The following CXCL13 variants were observed in gnomAD, a reference collection of about 807,000 sequenced individuals.
CXCL13 encodes C-X-C motif chemokine 13.
In CXCL13, 7 loss-of-function variants were observed where a neutral mutation model predicts 12.2. That is an observed-to-expected ratio of 0.57 (90% CI 0.33 to 1.07). CXCL13 has a LOEUF of 1.07. Among genes scored for constraint, CXCL13 ranks in the 50% least tolerant of loss-of-function variants. The pLI, the probability that CXCL13 is intolerant of heterozygous loss-of-function variation, is 0.04. For synonymous variants in CXCL13, 47 were observed against 42.4 expected, an observed-to-expected ratio of 1.11 and a Z score of -0.42; for missense variants, 113 against 127.4, an observed-to-expected ratio of 0.89 and a Z score of 0.55.
At chr4:77,564,917 G>A (rs551358341) in intron 1 of CXCL13, among the ~76,000 whole-genome samples, 13 of 152,276 alleles carry the variant, frequency 8.5e-5, no homozygotes, top group Middle Eastern at 3.4e-3. Context: ...TTAGGGTGGG[G>A]GCAACCAAAC....
At chr4:77,543,975 C>T (rs1725286149) in intron 1 of CXCL13, among the ~76,000 whole-genome samples, 1 of 152,118 alleles carries the variant, frequency 6.6e-6, no homozygotes, top group South Asian at 2.1e-4. Flanking sequence ...TTAATTCCCA[C>T]CTATGAGTGA....
chr4:77,573,805 G>A (rs976554957), intron 1 of CXCL13, among the ~76,000 whole-genome samples: 3 of 151,778 alleles, frequency 2.0e-5, no homozygotes, highest in Admixed American at 2.0e-4. Flanking sequence ...ATACCTGTGG[G>A]ACTTTTACAA....
intron 1 of CXCL13, among the ~76,000 whole-genome samples, chr4:77,565,332 T>A (rs1422173532): frequency 6.6e-6 from 1 of 152,050 alleles, no homozygotes; most frequent in Non-Finnish European, 1.5e-5. Context: ...CATTCCTCCC[T>A]CTCCTCCCCC....
At chr4:77,606,645 A>G (rs918947512) in intron 1 of CXCL13, among the ~76,000 whole-genome samples, 21 of 152,294 alleles carry the variant, frequency 1.4e-4, no homozygotes, top group African/African-American at 4.8e-4. Flanking sequence ...AATTTCTTGC[A>G]TTCTCCACGG....
At chr4:77,551,647 A>C (rs905951165) in intron 1 of CXCL13, among the ~76,000 whole-genome samples, 2 of 152,214 alleles carry the variant, frequency 1.3e-5, no homozygotes, top group African/African-American at 4.8e-5. Flanking sequence ...CTCTCTAGCA[A>C]GATAAGGGAA....
chr4:77,610,801 A>G, intron 3 of CXCL13, 107 bp downstream of exon 3: 2 of 978,494 alleles, frequency 2.0e-6, no homozygotes, highest in Non-Finnish European at 3.3e-6. Flanking sequence ...GAAGTTCCTA[A>G]GACAAATGTG....
At chr4:77,550,445 C>T (rs374968125) in intron 1 of CXCL13, among the ~76,000 whole-genome samples, 127 of 151,870 alleles carry the variant, frequency 8.4e-4, no homozygotes, top group African/African-American at 2.9e-3. Flanking sequence ...GAGCTGTAGA[C>T]GGGAGCTGTA....
At chr4:77,601,005 C>T (rs1011295143), upstream of CXCL13, among the ~76,000 whole-genome samples, 3 of 152,146 alleles carry the variant, frequency 2.0e-5, no homozygotes, top group Non-Finnish European at 4.4e-5. Context: ...CAGGCAGGGT[C>T]TTCTTTACCT....
intron 1 of CXCL13, among the ~76,000 whole-genome samples, chr4:77,586,333 A>G (rs1726458093): frequency 6.6e-6 from 1 of 151,996 alleles, no homozygotes; most frequent in South Asian, 2.1e-4. Flanking sequence ...GTAACAAGAT[A>G]ATTGAATTTG....
chr4:77,545,532 G>T (rs183605662), intron 1 of CXCL13, among the ~76,000 whole-genome samples: 12 of 152,258 alleles, frequency 7.9e-5, no homozygotes, highest in Admixed American at 4.6e-4. Context: ...GTTCACTCAC[G>T]ATTTGGCTCT....
chr4:77,601,703 C>T (rs558503030), upstream of CXCL13, among the ~76,000 whole-genome samples: 155 of 152,202 alleles, frequency 1.0e-3, 1 homozygote, highest in Non-Finnish European at 3.5e-4. Context: ...TGTGTTTTCA[C>T]AAAGGTTAAA....
intron 1 of CXCL13, among the ~76,000 whole-genome samples, chr4:77,513,263 G>A (rs965662083): frequency 2.0e-5 from 3 of 152,146 alleles, no homozygotes; most frequent in African/African-American, 4.8e-5. Context: ...TGTCTTTATA[G>A]TAGCCTGATT....
intron 1 of CXCL13, among the ~76,000 whole-genome samples, chr4:77,529,135 T>C (rs1164769558): frequency 1.3e-5 from 2 of 152,228 alleles, no homozygotes; most frequent in Non-Finnish European, 2.9e-5. Context: ...TCCATTGGTC[T>C]ATATCTCTGT....
At chr4:77,547,461 G>T (rs537410011) in intron 1 of CXCL13, among the ~76,000 whole-genome samples, 5 of 152,280 alleles carry the variant, frequency 3.3e-5, no homozygotes, top group Non-Finnish European at 7.4e-5. Context: ...TCTTCTTGTT[G>T]AATTGGTCCC....
At chr4:77,527,684 A>G (rs1724801759) in intron 1 of CXCL13, among the ~76,000 whole-genome samples, 1 of 152,092 alleles carries the variant, frequency 6.6e-6, no homozygotes, top group Admixed American at 6.6e-5. Context: ...TGAATGAATG[A>G]CATTCAAGTG....
chr4:77,599,071 A>G (rs1726832597), intron 1 of CXCL13, among the ~76,000 whole-genome samples: 1 of 152,024 alleles, frequency 6.6e-6, no homozygotes, highest in East Asian at 1.9e-4. Context: ...AGCCTCCCAA[A>G]ATGCAGAGAT....
In CXCL13 at chr4:77,607,568, A is replaced by G. The variant is rs887580502; in HGVS notation, c.65-135A>G. 1.1e-5 allele frequency: 8 copies of G among 716,868 alleles called. No homozygotes were observed. The African/African-American group carries it at 1.4e-4, about 13-fold the overall frequency. 44.4% of individuals were successfully genotyped at this position (716,868 alleles called of 1,614,324 possible). ...CAAGACAAGCAGAAATATACAAACT[A>G]AAGACATATGGGTGGAAGCACTGAC... On this transcript the variant is annotated intron_variant, in intron 1 of 3. Coordinates refer to ENST00000682537, the MANE Select transcript of CXCL13 (RefSeq NM_001371558.1).
rs1457386872 is a variant in CXCL13, at chr4:77,548,978, A to G, written c.-43+37190A>G. Reference sequence around the variant, plus strand: ...TCATCACTTTCAGGTATACCAATCAAATGTAGATTTGGTCTTTTCACATAG... The same window carrying G: ...TCATCACTTTCAGGTATACCAATCAGATGTAGATTTGGTCTTTTCACATAG... On this transcript the variant is annotated intron_variant, in intron 1 of 4. Transcript: ENST00000286758. Among the ~76,000 whole-genome samples, 17 of 152,192 alleles carry G rather than the reference A, an allele frequency of 1.1e-4. No individual in the cohort carries two copies. In the East Asian group the frequency reaches 2.9e-3, roughly 26 times the overall value.
chr4:77,519,758 C>T (rs960515869), intron 1 of CXCL13, among the ~76,000 whole-genome samples: 2 of 152,246 alleles, frequency 1.3e-5, no homozygotes, highest in South Asian at 2.1e-4. Context: ...GTTGTCATTG[C>T]TTTTGGTGTT....
Sources: gnomAD v4.1 joint callset for allele counts (sites outside exome capture counted in the v4.1 genomes callset) on GRCh38, gnomAD v4.1.1 for gene constraint, MANE v1.5 for transcripts, NCBI Gene and HGNC (gene_info 2026-07-23, HGNC 2026-07-21) for gene names.